Variants in ZNF385D observed in about 807,000 individuals in gnomAD.
ZNF385D encodes the protein zinc finger protein 659.
ZNF385D carries 15 observed loss-of-function variants against 35.8 expected under a neutral mutation model. The ratio of observed to expected loss-of-function variants is 0.42; its 90% CI spans 0.28 to 0.64. The LOEUF (loss-of-function observed/expected upper bound fraction) is 0.64. Among genes scored for constraint, ZNF385D ranks in the 30% least tolerant of loss-of-function variants. The pLI, the probability that ZNF385D is intolerant of heterozygous loss-of-function variation, is 0.23. For synonymous variants in ZNF385D, 212 were observed against 186.8 expected (o/e 1.13, Z -1.10); for missense variants, 474 against 494.6 (o/e 0.96, Z 0.39).
chr3:22,011,612 AAAT>A (rs1335490260), intron 3 of ZNF385D, among the ~76,000 whole-genome samples: 2 of 152,144 alleles, frequency 1.3e-5, no homozygotes, highest in Non-Finnish European at 2.9e-5. Flanking sequence ...TTTGTAATCT[AAAT>A]AATAGTAAAT....
chr3:21,941,683 G>C (rs928380345), intron 3 of ZNF385D, among the ~76,000 whole-genome samples: 34 of 151,736 alleles, frequency 2.2e-4, no homozygotes, highest in Admixed American at 7.2e-4. Context: ...ATTTTTAGTA[G>C]AGACGGGGTT....
intron 3 of ZNF385D, among the ~76,000 whole-genome samples, chr3:22,017,256 A>C (rs1463833926): frequency 6.6e-6 from 1 of 152,078 alleles, no homozygotes; most frequent in Non-Finnish European, 1.5e-5. Flanking sequence ...TCTGGTTAAC[A>C]TCACATACAG....
chr3:22,065,979 T>G (rs1307043962), intron 3 of ZNF385D, among the ~76,000 whole-genome samples: 3 of 152,118 alleles, frequency 2.0e-5, no homozygotes, highest in African/African-American at 7.2e-5. Flanking sequence ...CTGGACCACC[T>G]AAGGATTATT....
At chr3:22,255,864 G>T (rs1700288944) in intron 2 of ZNF385D, among the ~76,000 whole-genome samples, 1 of 150,934 alleles carries the variant, frequency 6.6e-6, no homozygotes, top group African/African-American at 2.4e-5. Flanking sequence ...CAAGTTGATT[G>T]GATTGAAGGA....
intron 2 of ZNF385D, among the ~76,000 whole-genome samples, chr3:22,295,357 A>C (rs890012767): frequency 6.6e-6 from 1 of 152,152 alleles, no homozygotes; most frequent in Non-Finnish European, 1.5e-5. Context: ...GCTCTCACAC[A>C]TGAGGGAGAG....
intron 3 of ZNF385D, among the ~76,000 whole-genome samples, chr3:22,038,526 TGTC>T (rs751529172): frequency 7.2e-5 from 11 of 151,972 alleles, no homozygotes; most frequent in African/African-American, 2.7e-4. Context: ...GTACTGTTGT[TGTC>T]ATCATTATCA....
intron 2 of ZNF385D, among the ~76,000 whole-genome samples, chr3:22,174,702 T>G (rs1694698304): frequency 6.6e-6 from 1 of 152,018 alleles, no homozygotes; most frequent in Admixed American, 6.6e-5. Context: ...GAAAATAAAA[T>G]AAAAATCTAA....
At chr3:21,576,911 CAT>C (rs980798750) in intron 2 of ZNF385D, among the ~76,000 whole-genome samples, 4 of 152,016 alleles carry the variant, frequency 2.6e-5, no homozygotes, top group African/African-American at 4.8e-5. Flanking sequence ...TATGGGGTAA[CAT>C]TGTGATATTT....
chr3:22,285,872 T>C (rs1253553188), intron 2 of ZNF385D, among the ~76,000 whole-genome samples: 2 of 152,132 alleles, frequency 1.3e-5, no homozygotes, highest in African/African-American at 4.8e-5. Context: ...ATTTAATCCT[T>C]AAAAAGTATT....
intron 3 of ZNF385D, among the ~76,000 whole-genome samples, chr3:22,125,156 C>A (rs1703354238): frequency 6.6e-6 from 1 of 152,134 alleles, no homozygotes; most frequent in Non-Finnish European, 1.5e-5. Context: ...TACCCAGCAT[C>A]ATTATTGAAG....
chr3:21,692,553 CTACT>C (rs2067316891), intron 1 of ZNF385D, among the ~76,000 whole-genome samples: 1 of 152,196 alleles, frequency 6.6e-6, no homozygotes, highest in East Asian at 1.9e-4. Flanking sequence ...CCTCCTCTTC[CTACT>C]TGACACCAGT....
chr3:21,470,336 C>G (rs982405336), intron 4 of ZNF385D, among the ~76,000 whole-genome samples: 1 of 152,110 alleles, frequency 6.6e-6, no homozygotes, highest in Non-Finnish European at 1.5e-5. Context: ...CTTTAGAATT[C>G]TCAGCCCAAA....
At chr3:22,344,370 A>G (rs1288085473) in intron 2 of ZNF385D, among the ~76,000 whole-genome samples, 1 of 151,874 alleles carries the variant, frequency 6.6e-6, no homozygotes, top group Non-Finnish European at 1.5e-5. Context: ...CTTTGCTTTA[A>G]ATAGGTATTT....
At chr3:21,912,632 C>A (rs1305474554) in intron 3 of ZNF385D, among the ~76,000 whole-genome samples, 1 of 151,996 alleles carries the variant, frequency 6.6e-6, no homozygotes, top group African/African-American at 2.4e-5. Context: ...AAATACAATG[C>A]CACGTTAGGG....
At chr3:21,831,272 T>C (rs530906956) in intron 3 of ZNF385D, among the ~76,000 whole-genome samples, 2 of 152,196 alleles carry the variant, frequency 1.3e-5, no homozygotes, top group East Asian at 1.9e-4. Context: ...TGAACCTCAT[T>C]TGAAGGGAAG....
chr3:22,027,480 G>A (rs1298223123), intron 3 of ZNF385D, among the ~76,000 whole-genome samples: 1 of 152,168 alleles, frequency 6.6e-6, no homozygotes, highest in Non-Finnish European at 1.5e-5. Context: ...TCACAGTGGA[G>A]GCCTCTAGGA....
chr3:22,087,822 T>TA (rs892332292), intron 3 of ZNF385D, among the ~76,000 whole-genome samples: 24 of 152,212 alleles, frequency 1.6e-4, no homozygotes, highest in African/African-American at 5.5e-4. Flanking sequence ...AATCAAAGTT[T>TA]AAAAAAAGCA....
intron 2 of ZNF385D, among the ~76,000 whole-genome samples, chr3:21,621,554 CGTGTGTGTGT>C (rs58332425): frequency 3.7e-5 from 5 of 136,986 alleles, no homozygotes; most frequent in African/African-American, 8.1e-5. Context: ...AAAAAATTCC[CGTGTGTGTGT>C]GTGTGTGTGT....
Position 22,048,576 on chromosome 3 carries a change from G to T in ZNF385D, c.325+120241C>A, listed in dbSNP as rs1021822177. Among the ~76,000 whole-genome samples the T allele has an allele frequency of 3.3e-5, 5 of 152,224 alleles. No individual in the cohort carries two copies. The East Asian group carries it at 5.8e-4, about 18-fold the overall frequency. On this transcript the variant is annotated intron_variant, in intron 3 of 5. Transcript: ENST00000494108. The stretch of plus-strand genomic sequence containing the variant: ...CAACAAATACATGAATTTATTTCTG[G>T]ACTCTTTATTGTGTTCTATTGGCCT...
Sources: gnomAD v4.1 joint callset for allele counts (sites outside exome capture counted in the v4.1 genomes callset) on GRCh38, gnomAD v4.1.1 for gene constraint, MANE v1.5 for transcripts, NCBI Gene and HGNC (gene_info 2026-07-23, HGNC 2026-07-21) for gene names.